Variants in CPNE4 observed in about 807,000 individuals in gnomAD.
The protein encoded by CPNE4 is copine 4.
Under a neutral mutation model 67.9 loss-of-function variants are expected in CPNE4, and 25 were observed. The ratio of observed to expected loss-of-function variants is 0.37; its 90% CI spans 0.27 to 0.51. The LOEUF (loss-of-function observed/expected upper bound fraction) is 0.51, where lower values mean the gene tolerates loss of function less well. CPNE4 is among the 20% of genes least tolerant of loss of function. The pLI, the probability that CPNE4 is intolerant of heterozygous loss-of-function variation, is 0.93. For missense variants in CPNE4, 464 were observed against 690.8 expected (o/e 0.67, Z 3.68); for synonymous variants, 242 against 244.9 (o/e 0.99, Z 0.11).
chr3:131,912,739 T>C (rs1279513891), intron 1 of CPNE4, among the ~76,000 whole-genome samples: 1 of 152,130 alleles, frequency 6.6e-6, no homozygotes, highest in Non-Finnish European at 1.5e-5. Flanking sequence ...AATGAGATAG[T>C]CCACCTGCCT....
chr3:131,805,903 C>T (rs770004490), intron 2 of CPNE4, among the ~76,000 whole-genome samples: 2 of 152,186 alleles, frequency 1.3e-5, no homozygotes, highest in Non-Finnish European at 2.9e-5. Flanking sequence ...GGAAAGGTCA[C>T]ATTTTAAGAG....
intron 1 of CPNE4, among the ~76,000 whole-genome samples, chr3:132,021,595 T>C (rs1394930267): frequency 2.0e-5 from 3 of 152,188 alleles, no homozygotes; most frequent in African/African-American, 7.2e-5. Flanking sequence ...TATGACAGTA[T>C]TTCTACAAAA....
chr3:131,745,355 G>T (rs1327103185), intron 2 of CPNE4, among the ~76,000 whole-genome samples: 7 of 152,000 alleles, frequency 4.6e-5, no homozygotes, highest in Non-Finnish European at 8.8e-5. Flanking sequence ...AATATATTCT[G>T]ATAGGCTGTA....
chr3:131,773,935 AC>A (rs1203347785), intron 2 of CPNE4, among the ~76,000 whole-genome samples: 3 of 152,266 alleles, frequency 2.0e-5, no homozygotes, highest in African/African-American at 7.2e-5. Context: ...AACTTACTTA[AC>A]CATTTCCTAT....
Position 131,581,621 on chromosome 3 carries a change from C to T in CPNE4, c.825G>A (p.Lys275=), listed in dbSNP as rs1937841598. Residue 275 remains lysine, a synonymous_variant, in exon 9 of 16, where the codon AAG becomes AAA. Coordinates refer to ENST00000429747, the MANE Select transcript of CPNE4 (RefSeq NM_130808.3). The part of the protein sequence containing the change: ...CINPKYKAKK[K]NYKNSGTVIL... The stretch of plus-strand genomic sequence containing the variant: ...TCACAGTGCCTGAGTTCTTGTAATT[C>T]TTCTTCTTGGCTTTGTACTTGGGAT... 6.2e-7 allele frequency: 1 copy of T among 1,613,616 alleles called. No homozygotes were observed. The highest frequency in any genetic ancestry group is 8.5e-7 in the Non-Finnish European group (1 of 1,179,592).
intron 5 of CPNE4, among the ~76,000 whole-genome samples, chr3:131,692,431 A>G (rs1213381586): frequency 6.6e-6 from 1 of 152,216 alleles, no homozygotes; most frequent in Non-Finnish European, 1.5e-5. Context: ...AGTTTCAAGC[A>G]GGCATACTTA....
chr3:131,962,428 CA>C (rs758011340), intron 1 of CPNE4, among the ~76,000 whole-genome samples: 4 of 152,126 alleles, frequency 2.6e-5, no homozygotes, highest in Non-Finnish European at 5.9e-5. Context: ...AATGCACCAC[CA>C]CCACAACAAA....
At chr3:131,546,333 T>C (rs1241211837) in intron 14 of CPNE4, among the ~76,000 whole-genome samples, 1 of 152,120 alleles carries the variant, frequency 6.6e-6, no homozygotes, top group African/African-American at 2.4e-5. Flanking sequence ...AAAATGCTCA[T>C]GGATGAAATA....
chr3:131,903,288 A>T (rs964241814), intron 2 of CPNE4, among the ~76,000 whole-genome samples: 5 of 151,988 alleles, frequency 3.3e-5, no homozygotes, highest in Non-Finnish European at 7.4e-5. Context: ...TGAGTACTTT[A>T]TTTTCTTAGA....
At chr3:131,951,415 T>C (rs967669840) in intron 1 of CPNE4, among the ~76,000 whole-genome samples, 8 of 152,236 alleles carry the variant, frequency 5.3e-5, no homozygotes, top group African/African-American at 1.9e-4. Flanking sequence ...TTTTCTCATA[T>C]AGATGTGGCA....
intron 2 of CPNE4, among the ~76,000 whole-genome samples, chr3:131,807,795 G>T (rs2084374797): frequency 6.6e-6 from 1 of 151,968 alleles, no homozygotes; most frequent in African/African-American, 2.4e-5. Flanking sequence ...TATTTTAAAA[G>T]CAAAAGAAAT....
rs67444198 is a variant in CPNE4, at chr3:131,767,260, CGT to C, written c.181-43637_181-43636del. Among the ~76,000 whole-genome samples, 66 of 150,220 alleles carry C rather than the reference CGT, an allele frequency of 4.4e-4. 1 individual carries two copies. Among genetic ancestry groups the C allele is most frequent in the Admixed American group, 2.1e-3 (32 of 15,030 alleles). ...CAGTGTGGAAGGTGCTAAGTGTGAG[CGT>C]GTGTGTGTGTGTGTGTGTGTACTGT... On this transcript the variant is annotated intron_variant, in intron 2 of 15. Coordinates refer to ENST00000429747, the MANE Select transcript of CPNE4 (RefSeq NM_130808.3).
chr3:131,742,458 C>T (rs759275781), intron 2 of CPNE4, among the ~76,000 whole-genome samples: 31 of 152,050 alleles, frequency 2.0e-4, no homozygotes, highest in African/African-American at 5.8e-4. Context: ...CATAGTTGCA[C>T]GGGCCAATTC....
intron 3 of CPNE4, among the ~76,000 whole-genome samples, chr3:131,704,620 A>G (rs67231389): frequency 0.18 from 26,790 of 152,170 alleles, 2,538 homozygotes; most frequent in African/African-American, 0.24. Flanking sequence ...TGTGTCTGGA[A>G]GAACACAACC....
chr3:131,669,556 T>G, intron 7 of CPNE4, 119 bp downstream of exon 7: 7 of 676,362 alleles, frequency 1.0e-5, no homozygotes, highest in South Asian at 2.1e-5. Flanking sequence ...TGCTAAAAGA[T>G]GAGAGGGTTG....
At chr3:131,680,327 C>A (rs896503154) in intron 6 of CPNE4, among the ~76,000 whole-genome samples, 4 of 150,848 alleles carry the variant, frequency 2.7e-5, no homozygotes, top group East Asian at 1.9e-4. Flanking sequence ...TGTCAAGAGA[C>A]CTTGCATGTG....
upstream of CPNE4, among the ~76,000 whole-genome samples, chr3:132,036,867 G>A (rs1187681545): frequency 6.6e-6 from 1 of 152,188 alleles, no homozygotes; most frequent in Non-Finnish European, 1.5e-5. Flanking sequence ...ATTAAGATGT[G>A]CTGAGCATGT....
chr3:131,591,130 G>C (rs1002139806), intron 7 of CPNE4, among the ~76,000 whole-genome samples: 5 of 152,156 alleles, frequency 3.3e-5, no homozygotes, highest in African/African-American at 1.2e-4. Context: ...CTTACCTGGA[G>C]AAAGGAGCAG....
At chr3:131,549,822 C>A in intron 14 of CPNE4, 125 bp downstream of exon 14, 1 of 1,108,570 alleles carries the variant, frequency 9.0e-7, no homozygotes, top group Non-Finnish European at 1.3e-6. Flanking sequence ...GAGGTTAAGT[C>A]ATTTGTCCAA....
Sources: gnomAD v4.1 joint callset for allele counts (sites outside exome capture counted in the v4.1 genomes callset) on GRCh38, gnomAD v4.1.1 for gene constraint, MANE v1.5 for transcripts, NCBI Gene and HGNC (gene_info 2026-07-23, HGNC 2026-07-21) for gene names.